Variants in RBFOX1 observed in about 807,000 individuals in gnomAD.
RBFOX1 encodes RNA binding protein fox-1 homolog 1.
RBFOX1 carries 8 observed loss-of-function variants against 57.7 expected under a neutral mutation model. The observed-to-expected ratio is 0.14, with a 90% CI of 0.08 to 0.25. The LOEUF (loss-of-function observed/expected upper bound fraction) is 0.25. Ranked by LOEUF, RBFOX1 falls within the 10% of genes least tolerant of loss-of-function variation. The pLI is 1.00. For synonymous variants in RBFOX1, 326 were observed against 222.4 expected (o/e 1.47, Z -4.15); for missense variants, 611 against 548.5 (o/e 1.11, Z -1.14).
intron 3 of RBFOX1, among the ~76,000 whole-genome samples, chr16:6,754,425 G>T (rs2075451519): frequency 6.6e-6 from 1 of 152,140 alleles, no homozygotes; most frequent in Non-Finnish European, 1.5e-5. Context: ...AAAACCTACG[G>T]TCGAAGATTC....
chr16:6,727,685 C>G (rs1568373571), intron 3 of RBFOX1, among the ~76,000 whole-genome samples: 1 of 152,132 alleles, frequency 6.6e-6, no homozygotes, highest in Admixed American at 6.5e-5. Context: ...TGTCTACTTA[C>G]AAATGTCCCT....
chr16:5,355,374 G>T (rs1368301039), intron 1 of RBFOX1, among the ~76,000 whole-genome samples: 1 of 152,164 alleles, frequency 6.6e-6, no homozygotes, highest in Non-Finnish European at 1.5e-5. Context: ...TGGAGGACAC[G>T]TGTATGTGCC....
intron 3 of RBFOX1, among the ~76,000 whole-genome samples, chr16:6,694,855 C>A (rs1217404689): frequency 6.6e-6 from 1 of 151,948 alleles, no homozygotes; most frequent in Non-Finnish European, 1.5e-5. Flanking sequence ...GAGTCCAGCC[C>A]CGGAGCCCTG....
At chr16:6,343,008 C>T (rs79283672) in intron 2 of RBFOX1, among the ~76,000 whole-genome samples, 17 of 152,126 alleles carry the variant, frequency 1.1e-4, no homozygotes, top group Admixed American at 5.2e-4. Context: ...GTTTTTGATA[C>T]GAAACTCCAT....
chr16:5,746,051 G>T (rs1423619078), intron 3 of RBFOX1, among the ~76,000 whole-genome samples: 1 of 152,076 alleles, frequency 6.6e-6, no homozygotes, highest in Non-Finnish European at 1.5e-5. Flanking sequence ...AGGTTTTCTT[G>T]TAGGGTTTCT....
chr16:6,035,681 T>C (rs1191178909), intron 1 of RBFOX1, among the ~76,000 whole-genome samples: 1 of 152,222 alleles, frequency 6.6e-6, no homozygotes, highest in African/African-American at 2.4e-5. Flanking sequence ...ATCAATTCTT[T>C]TCCCCCCTCA....
At chr16:6,711,611 C>T (rs989387955) in intron 3 of RBFOX1, among the ~76,000 whole-genome samples, 4 of 152,312 alleles carry the variant, frequency 2.6e-5, no homozygotes, top group African/African-American at 4.8e-5. Flanking sequence ...ACTTCCCCTT[C>T]GCCTTCCACC....
chr16:5,801,743 A>G (rs1346317443), intron 3 of RBFOX1, among the ~76,000 whole-genome samples: 1 of 148,834 alleles, frequency 6.7e-6, no homozygotes, highest in Non-Finnish European at 1.5e-5. Context: ...ATCCAACAAC[A>G]TAGGTTTTTT....
chr16:7,117,181 G>T (rs748817597), intron 4 of RBFOX1, among the ~76,000 whole-genome samples: 2 of 152,144 alleles, frequency 1.3e-5, no homozygotes, highest in Non-Finnish European at 2.9e-5. Context: ...GAGGTGGCAG[G>T]TTGGAAGACT....
intron 3 of RBFOX1, among the ~76,000 whole-genome samples, chr16:6,936,670 C>G (rs561249778): frequency 1.3e-5 from 2 of 151,872 alleles, no homozygotes; most frequent in Non-Finnish European, 2.9e-5. Flanking sequence ...TTCACAGATA[C>G]AAAACTAAGG....
chr16:5,355,077 G>C lies in RBFOX1; in HGVS notation c.220-112139G>C, dbSNP rs534631892. Among the ~76,000 whole-genome samples, 9 of 151,932 alleles carry C rather than the reference G, an allele frequency of 5.9e-5. No homozygotes were observed. In the East Asian group the frequency reaches 1.7e-3, roughly 29 times the overall value. On this transcript the variant is annotated intron_variant, in intron 1 of 2. Coordinates refer to the RBFOX1 transcript ENST00000585867. ...AGAAGAGAGAGAAAGAGAGAAATAA[G>C]AGAGAATAAAAGAGAGAGAGGGAGG...
intron 4 of RBFOX1, among the ~76,000 whole-genome samples, chr16:7,399,635 C>G (rs1043879061): frequency 6.6e-6 from 1 of 152,250 alleles, no homozygotes; most frequent in East Asian, 1.9e-4. Context: ...CTGCCTCCAT[C>G]TTCATATGGC....
chr16:5,478,600 C>T (rs990209226), intron 2 of RBFOX1, among the ~76,000 whole-genome samples: 1 of 152,112 alleles, frequency 6.6e-6, no homozygotes, highest in African/African-American at 2.4e-5. Flanking sequence ...CTAATATGAC[C>T]CCCCAAGATT....
chr16:6,990,633 A>G (rs28610087), intron 3 of RBFOX1, among the ~76,000 whole-genome samples: 5,916 of 152,202 alleles, frequency 0.039, 408 homozygotes, highest in African/African-American at 0.14. Flanking sequence ...TTGGTGCAAA[A>G]GTAATTGTGC....
intron 12 of RBFOX1, among the ~76,000 whole-genome samples, chr16:7,660,679 C>G (rs1202991291): frequency 6.6e-6 from 1 of 152,162 alleles, no homozygotes; most frequent in Non-Finnish European, 1.5e-5. Context: ...TCTCATATTC[C>G]TGGGACCAAT....
intron 3 of RBFOX1, among the ~76,000 whole-genome samples, chr16:6,795,573 C>T (rs369406077): frequency 1.3e-5 from 2 of 151,992 alleles, no homozygotes; most frequent in Non-Finnish European, 2.9e-5. Flanking sequence ...CAAGACCAGC[C>T]TGGCCAATGT....
At chr16:5,847,130 T>G (rs531864665) in intron 3 of RBFOX1, among the ~76,000 whole-genome samples, 1 of 152,148 alleles carries the variant, frequency 6.6e-6, no homozygotes, top group African/African-American at 2.4e-5. Flanking sequence ...CTGGAAGTCA[T>G]TTGAAGAATG....
chr16:5,716,627 A>G (rs1276215515), intron 3 of RBFOX1, among the ~76,000 whole-genome samples: 1 of 152,268 alleles, frequency 6.6e-6, no homozygotes, highest in Non-Finnish European at 1.5e-5. Context: ...AAATTAGTTC[A>G]GCCATCGTGC....
chr16:5,640,318 C>G (rs117170382), intron 3 of RBFOX1, among the ~76,000 whole-genome samples: 3 of 152,310 alleles, frequency 2.0e-5, no homozygotes, highest in Non-Finnish European at 4.4e-5. Flanking sequence ...TAATTTTGCA[C>G]ATGCACACAG....
Sources: allele counts gnomAD v4.1 joint callset (sites outside exome capture counted in the v4.1 genomes callset), GRCh38; gene constraint gnomAD v4.1.1; transcripts MANE v1.5; gene names NCBI Gene and HGNC (gene_info 2026-07-23, HGNC 2026-07-21).